Variants in GRIK1 observed in about 807,000 individuals in gnomAD.
The protein encoded by GRIK1 is glutamate receptor ionotropic, kainate 1.
GRIK1 carries 69 observed loss-of-function variants against 105.7 expected under a neutral mutation model. The observed-to-expected ratio is 0.65, with a 90% CI of 0.54 to 0.80. GRIK1 has a LOEUF of 0.80. Among genes scored for constraint, GRIK1 ranks in the 30% least tolerant of loss-of-function variants. GRIK1 has a pLI of 0.00. For synonymous variants in GRIK1, 438 were observed against 431.3 expected (o/e 1.02, Z -0.19); for missense variants, 1,109 against 1,167.3 (o/e 0.95, Z 0.73).
At chr21:29,708,492 A>G (rs2063968621) in intron 1 of GRIK1, among the ~76,000 whole-genome samples, 1 of 152,248 alleles carries the variant, frequency 6.6e-6, no homozygotes, top group Non-Finnish European at 1.5e-5. Flanking sequence ...AAGCATTCAT[A>G]GTAGTTGTTA....
chr21:29,773,132 TA>T (rs1193263779), intron 1 of GRIK1, among the ~76,000 whole-genome samples: 1 of 152,208 alleles, frequency 6.6e-6, no homozygotes, highest in Non-Finnish European at 1.5e-5. Context: ...TATAAACTTT[TA>T]TGATAATATC....
chr21:29,568,892 A>G (rs920374692), intron 14 of GRIK1, among the ~76,000 whole-genome samples: 31 of 152,224 alleles, frequency 2.0e-4, no homozygotes, highest in South Asian at 2.1e-4. Context: ...AAAAATATCA[A>G]TTGAGCTGAA....
chr21:29,847,051 G>A (rs1052206833), intron 1 of GRIK1, among the ~76,000 whole-genome samples: 3 of 151,924 alleles, frequency 2.0e-5, no homozygotes, highest in Non-Finnish European at 4.4e-5. Flanking sequence ...TATTTTACTG[G>A]CTCTTCTTCT....
rs750226597 is a variant in GRIK1, at chr21:29,537,880, C to A, written c.2612G>T (p.Gly871Val). 1.6e-6 allele frequency: 2 copies of A among 1,259,646 alleles called. No homozygotes were observed. The highest frequency in any genetic ancestry group is 2.3e-6 in the Non-Finnish European group (2 of 877,642). The allele number at this position is 1,259,646 out of a possible 1,614,324, so 78.0% of individuals were successfully genotyped here. The change falls in exon 17 of 18, where the codon GGA (glycine) becomes GTA (valine). Residue 871 changes from glycine to valine, a missense_variant. This residue lies in a region of GRIK1 where 161 missense variants were observed against 143.4 expected (regional missense o/e 1.12). Coordinates refer to ENST00000327783, the MANE Select transcript of GRIK1 (RefSeq NM_001330994.2). ...SRKNNDIEQK[G>V]KSSRIRFYFR... ...ATAAAATCTAATTCTTGATGACTTT[C>A]CTTTCTGATAAAAAAAAAAGAAAAA...
intron 3 of GRIK1, among the ~76,000 whole-genome samples, chr21:29,674,765 T>A (rs116745182): frequency 6.6e-6 from 1 of 152,142 alleles, no homozygotes; most frequent in Admixed American, 6.5e-5. Flanking sequence ...GAAATATGAG[T>A]CAATTAAACC....
rs753193055 is a variant in GRIK1, at chr21:29,588,885, T to G, written c.1523A>C (p.Asn508Thr). 20 of 1,610,214 alleles carry G rather than the reference T, an allele frequency of 1.2e-5. No homozygotes were observed. The highest frequency in any genetic ancestry group is 1.7e-5 in the Non-Finnish European group (20 of 1,176,398). ...CATCCCGTTCCACTCCCCTTTGTCA[T>G]TCTGGGCCCCATATTTGCCATCGGG... Reference protein sequence around the residue: ...LVPDGKYGAQNDKGEWNGMVK... With the variant: ...LVPDGKYGAQTDKGEWNGMVK... The change falls in exon 11 of 18, where the codon AAT (asparagine) becomes ACT (threonine). Residue 508 changes from asparagine (N) to threonine (T), a missense_variant. Physicochemically the swap from Asn to Thr is moderately conservative, Grantham distance 65. Coordinates refer to ENST00000327783, the MANE Select transcript of GRIK1 (RefSeq NM_001330994.2).
At chr21:29,595,735 G>A (rs1480085804) in intron 9 of GRIK1, among the ~76,000 whole-genome samples, 1 of 151,992 alleles carries the variant, frequency 6.6e-6, no homozygotes, top group Non-Finnish European at 1.5e-5. Context: ...AGGGAAGGAA[G>A]GAGAGGAGGA....
At chr21:29,539,882 T>C (rs2089941087) in intron 16 of GRIK1, among the ~76,000 whole-genome samples, 1 of 152,214 alleles carries the variant, frequency 6.6e-6, no homozygotes, top group Admixed American at 6.5e-5. Context: ...ATATCTGGAC[T>C]GCCCAAACCA....
intron 2 of GRIK1, among the ~76,000 whole-genome samples, chr21:29,693,578 C>T (rs555800474): frequency 1.3e-5 from 2 of 152,200 alleles, no homozygotes; most frequent in East Asian, 1.9e-4. Flanking sequence ...CTGCACCGCA[C>T]GATTTCATGG....
chr21:29,850,952 C>T (rs954531595), intron 1 of GRIK1, among the ~76,000 whole-genome samples: 5 of 152,180 alleles, frequency 3.3e-5, no homozygotes, highest in African/African-American at 1.2e-4. Flanking sequence ...ATTCAAGATG[C>T]CAATAATATT....
At chr21:29,903,956 G>GAGTTCATT (rs2070508860) in intron 1 of GRIK1, among the ~76,000 whole-genome samples, 1 of 152,186 alleles carries the variant, frequency 6.6e-6, no homozygotes, top group African/African-American at 2.4e-5. Context: ...AAAAAAGGAT[G>GAGTTCATT]AGTTCATTTC....
intron 7 of GRIK1, among the ~76,000 whole-genome samples, chr21:29,622,286 C>T (rs1330281059): frequency 6.6e-6 from 1 of 152,088 alleles, no homozygotes; most frequent in East Asian, 1.9e-4. Context: ...CTATAGTAAA[C>T]CTTTTTAAAA....
intron 1 of GRIK1, among the ~76,000 whole-genome samples, chr21:29,759,380 A>G (rs921413318): frequency 1.3e-5 from 2 of 152,140 alleles, no homozygotes; most frequent in Non-Finnish European, 2.9e-5. Context: ...GGCCTCCTAA[A>G]GTGCTGGGAT....
At chr21:29,659,973 A>G (rs1437552892) in intron 4 of GRIK1, among the ~76,000 whole-genome samples, 2 of 152,096 alleles carry the variant, frequency 1.3e-5, no homozygotes, top group Non-Finnish European at 2.9e-5. Flanking sequence ...AAAACAAAAC[A>G]AAACAAAAAA....
intron 1 of GRIK1, among the ~76,000 whole-genome samples, chr21:29,874,704 A>C (rs140870716): frequency 6.6e-6 from 1 of 152,304 alleles, no homozygotes; most frequent in African/African-American, 2.4e-5. Context: ...TGGAAGACAA[A>C]TGCAGTAATT....
intron 1 of GRIK1, among the ~76,000 whole-genome samples, chr21:29,725,059 T>C (rs958453180): frequency 6.6e-6 from 1 of 151,226 alleles, no homozygotes; most frequent in South Asian, 2.1e-4. Context: ...TGTTTAAAAT[T>C]ATTAATTACA....
intron 3 of GRIK1, among the ~76,000 whole-genome samples, chr21:29,684,513 CT>C (rs879775364): frequency 2.7e-4 from 40 of 147,566 alleles, no homozygotes; most frequent in East Asian, 5.9e-4. Flanking sequence ...AACGCAATTA[CT>C]TTTTTTTTTT....
chr21:29,728,410 C>T (rs571734187), intron 1 of GRIK1, among the ~76,000 whole-genome samples: 1 of 151,920 alleles, frequency 6.6e-6, no homozygotes, highest in African/African-American at 2.4e-5. Flanking sequence ...GGGCCTAGGT[C>T]GAATAAGGAA....
chr21:29,582,338 G>A (rs1327410546), intron 12 of GRIK1: 1 of 470,648 alleles, frequency 2.1e-6, no homozygotes, highest in East Asian at 7.0e-5. Context: ...CACTTAATCA[G>A]CAACCCTGGT....
Sources: allele counts gnomAD v4.1 joint callset (sites outside exome capture counted in the v4.1 genomes callset), GRCh38; gene constraint gnomAD v4.1.1; regional missense constraint gnomAD v4.1.1; transcripts MANE v1.5; gene names NCBI Gene and HGNC (gene_info 2026-07-23, HGNC 2026-07-21).